Variants in ABCC4 observed in about 807,000 individuals in gnomAD.
ABCC4 encodes ATP-binding cassette sub-family C member 4.
In ABCC4, 102 loss-of-function variants were observed where a neutral mutation model predicts 168.5. That is an observed-to-expected ratio of 0.61 (90% CI 0.52 to 0.71). The LOEUF is 0.71. Among genes scored for constraint, ABCC4 ranks in the 30% least tolerant of loss-of-function variants. ABCC4 has a pLI of 0.00. For synonymous variants in ABCC4, 617 were observed against 590.7 expected, an observed-to-expected ratio of 1.04 and a Z score of -0.65; for missense variants, 1,402 against 1,605.8, an observed-to-expected ratio of 0.87 and a Z score of 2.17.
intron 23 of ABCC4, 96 bp from the exon 24 acceptor site, chr13:95,073,400 G>T: frequency 2.6e-6 from 2 of 760,738 alleles, no homozygotes; most frequent in Non-Finnish European, 4.2e-6. Flanking sequence ...TCATAATGTT[G>T]AAACAATTCA....
intron 1 of ABCC4, among the ~76,000 whole-genome samples, chr13:95,264,674 A>C (rs752503666): frequency 1.6e-4 from 25 of 152,184 alleles, no homozygotes; most frequent in Non-Finnish European, 3.1e-4. Flanking sequence ...AAGGATACTA[A>C]AGAAATATGA....
chr13:95,134,001 G>C (rs1343382363), intron 19 of ABCC4, among the ~76,000 whole-genome samples: 1 of 152,180 alleles, frequency 6.6e-6, no homozygotes, highest in Admixed American at 6.5e-5. Context: ...CCACCCCACT[G>C]GGTGACATGG....
intron 19 of ABCC4, among the ~76,000 whole-genome samples, chr13:95,152,505 CAAGG>C (rs2139513858): frequency 6.6e-6 from 1 of 152,126 alleles, no homozygotes; most frequent in East Asian, 1.9e-4. Context: ...GAAAACAAGG[CAAGG>C]AAGACAAGGG....
chr13:95,189,010 GCATTATGTATTTGTC>G (rs2038161898), intron 9 of ABCC4, among the ~76,000 whole-genome samples: 1 of 151,616 alleles, frequency 6.6e-6, no homozygotes, highest in Admixed American at 6.6e-5. Context: ...AGCCCTGCAT[GCATTATGTATTTGTC>G]CTAATGCTCT....
chr13:95,300,109 G>T (rs951316478), intron 1 of ABCC4, among the ~76,000 whole-genome samples: 1 of 152,142 alleles, frequency 6.6e-6, no homozygotes, highest in African/African-American at 2.4e-5. Context: ...CAAAGTGCAG[G>T]GATACAGGCG....
Position 95,143,845 on chromosome 13 carries a change from A to C in ABCC4, c.2455+17344T>G, listed in dbSNP as rs530592502. Among the ~76,000 whole-genome samples, 6 of 152,362 alleles carry C rather than the reference A, an allele frequency of 3.9e-5. No homozygotes were observed. The East Asian group carries it at 5.8e-4, about 15-fold the overall frequency. ...CAAAAGTGATCATCTAGTTTGCAGA[A>C]GCAGTAACATTTACTACATAGTAAA... On this transcript the variant is annotated intron_variant, in intron 19 of 30. Transcript: ENST00000645237.
At chr13:95,218,440 CAAA>C (rs1403524633) in intron 4 of ABCC4, among the ~76,000 whole-genome samples, 4 of 152,170 alleles carry the variant, frequency 2.6e-5, no homozygotes, top group Non-Finnish European at 4.4e-5. Flanking sequence ...AATGTCCATC[CAAA>C]ATCAACAACC....
chr13:95,260,196 A>T (rs2040496628), intron 1 of ABCC4, among the ~76,000 whole-genome samples: 1 of 152,168 alleles, frequency 6.6e-6, no homozygotes, highest in Non-Finnish European at 1.5e-5. Flanking sequence ...CACTTGTCTG[A>T]CATATACGCC....
chr13:95,154,074 G>GA lies in ABCC4; in HGVS notation c.2455+7114dup, dbSNP rs200694320. ...ACTCTTAGCTGTTTCATTCAAAGCT[G>GA]AAAAAACAATATTTATGTGGCTATT... On this transcript the variant is annotated intron_variant, in intron 19 of 30. Transcript: ENST00000645237. Among the ~76,000 whole-genome samples the GA allele has an allele frequency of 5.8e-4, 89 of 152,210 alleles. 1 individual carries two copies. The East Asian group carries it at 0.016, about 27-fold the overall frequency.
chr13:95,155,413 A>G (rs72643618), intron 19 of ABCC4, among the ~76,000 whole-genome samples: 9,330 of 152,192 alleles, frequency 0.061, 350 homozygotes, highest in Middle Eastern at 0.14. Context: ...GAATATGTCT[A>G]TCTTAAAATC....
chr13:95,109,290 T>G (rs2035119278), intron 20 of ABCC4, among the ~76,000 whole-genome samples: 1 of 151,766 alleles, frequency 6.6e-6, no homozygotes, highest in Non-Finnish European at 1.5e-5. Flanking sequence ...CAGAATGGAG[T>G]GGTAAAGAAA....
At chr13:95,171,687 T>G (rs149664279) in intron 13 of ABCC4, among the ~76,000 whole-genome samples, 48 of 152,346 alleles carry the variant, frequency 3.2e-4, no homozygotes, top group African/African-American at 9.9e-4. Flanking sequence ...ATGCAGCCAC[T>G]GCTTTTAGAA....
At chr13:95,241,921 A>G (rs182034108) in intron 3 of ABCC4, among the ~76,000 whole-genome samples, 2 of 152,158 alleles carry the variant, frequency 1.3e-5, no homozygotes, top group Non-Finnish European at 2.9e-5. Flanking sequence ...TTCTGTAACC[A>G]GAGGAATTAA....
intron 26 of ABCC4, among the ~76,000 whole-genome samples, chr13:95,060,900 A>AC: frequency 6.6e-6 from 1 of 151,012 alleles, no homozygotes; most frequent in East Asian, 2.0e-4. Flanking sequence ...GTAACTCCCA[A>AC]CCCCCCACCT....
At chr13:95,074,520 G>T (rs931425992) in intron 22 of ABCC4, among the ~76,000 whole-genome samples, 196 bp from the exon 23 acceptor site, 4 of 152,180 alleles carry the variant, frequency 2.6e-5, no homozygotes, top group African/African-American at 7.2e-5. Context: ...GTGGCTTTCT[G>T]TGAGGATGCA....
At chr13:95,169,605 G>A (rs540458939) in intron 14 of ABCC4, among the ~76,000 whole-genome samples, 21 of 152,172 alleles carry the variant, frequency 1.4e-4, no homozygotes, top group South Asian at 2.1e-4. Flanking sequence ...GCACCTTCAC[G>A]TCACTGTACC....
At chr13:95,091,871 G>T (rs1364583305) in intron 20 of ABCC4, among the ~76,000 whole-genome samples, 2 of 152,110 alleles carry the variant, frequency 1.3e-5, no homozygotes, top group Non-Finnish European at 2.9e-5. Context: ...AAAAGATACA[G>T]AAGTGCAGAA....
chr13:95,169,688 G>A (rs1321291637), intron 14 of ABCC4, among the ~76,000 whole-genome samples: 2 of 151,952 alleles, frequency 1.3e-5, no homozygotes, highest in Non-Finnish European at 2.9e-5. Flanking sequence ...ATGTCAGCCC[G>A]ACGATGGCAA....
intron 9 of ABCC4, among the ~76,000 whole-genome samples, chr13:95,192,025 C>T (rs958598017): frequency 1.1e-4 from 17 of 152,328 alleles, no homozygotes; most frequent in African/African-American, 2.4e-4. Context: ...GCAGACTGAG[C>T]CCCCACTCTG....
Sources: gnomAD v4.1 joint callset for allele counts (sites outside exome capture counted in the v4.1 genomes callset) on GRCh38, gnomAD v4.1.1 for gene constraint, MANE v1.5 for transcripts, NCBI Gene and HGNC (gene_info 2026-07-23, HGNC 2026-07-21) for gene names.